The following CLPTM1L variants were observed in gnomAD, a reference collection of about 807,000 sequenced individuals.
The protein encoded by CLPTM1L is CLPTM1 like.
CLPTM1L carries 38 observed loss-of-function variants against 70.9 expected under a neutral mutation model. The observed-to-expected ratio is 0.54, with a 90% CI of 0.41 to 0.70. The LOEUF is 0.70. Ranked by LOEUF, CLPTM1L falls within the 30% of genes least tolerant of loss-of-function variation. The probability of loss-of-function intolerance (pLI) is 0.00; values close to 1 mark genes in which losing one functional copy is unlikely to be tolerated. For missense variants in CLPTM1L, 652 were observed against 705.9 expected, an observed-to-expected ratio of 0.92 and a Z score of 0.87; for synonymous variants, 339 against 299.9, an observed-to-expected ratio of 1.13 and a Z score of -1.35.
At chr5:1,339,985 C>G (rs1441176781) in intron 3 of CLPTM1L, among the ~76,000 whole-genome samples, 4 of 152,078 alleles carry the variant, frequency 2.6e-5, no homozygotes, top group South Asian at 2.1e-4. Context: ...AACCTGTGAA[C>G]AGATGGCCAC....
chr5:1,337,879 A>G (rs371410554), intron 5 of CLPTM1L, 25 bp downstream of exon 5: 45 of 1,561,210 alleles, frequency 2.9e-5, no homozygotes, highest in Non-Finnish European at 3.3e-5. Context: ...CAGCTGCACA[A>G]CCAGCGGGCA....
chr5:1,329,771 C>A lies in CLPTM1L; in HGVS notation c.1080+509G>T, dbSNP rs112360475. Among the ~76,000 whole-genome samples, 489 of 68,266 alleles carry A rather than the reference C, an allele frequency of 7.2e-3. 4 individuals carry two copies. Among genetic ancestry groups the A allele is most frequent in the African/African-American group, 0.013 (121 of 9,092 alleles). 44.8% of individuals were successfully genotyped at this position (68,266 alleles called of 152,430 possible). ...GCCTGGTGGACAGGGCCTCAGGACTCTCTGCCTGGTGGACAGAGCCTCAGG... is the reference window on the plus strand; with the variant it reads ...GCCTGGTGGACAGGGCCTCAGGACTATCTGCCTGGTGGACAGAGCCTCAGG... On this transcript the variant is annotated intron_variant, in intron 9 of 16. Coordinates refer to ENST00000320895, the MANE Select transcript of CLPTM1L (RefSeq NM_030782.5).
chr5:1,318,320 C>T lies in CLPTM1L; in HGVS notation c.*49G>A, dbSNP rs1751949343. On this transcript the variant is annotated 3_prime_UTR_variant, in exon 17 of 17. Transcript: ENST00000320895. The surrounding 1 kb of genome is among the most constrained non-coding windows in gnomAD (Gnocchi z 8.9). ...ATTCCTCCAAATGCTTCCAAAAATA[C>T]TCATTGACAATTCAAGTTGCACTTG... is the stretch of plus-strand genomic sequence containing the variant. 2 of 1,425,032 alleles carry T rather than the reference C, an allele frequency of 1.4e-6. No individual in the cohort carries two copies. The highest frequency in any genetic ancestry group is 1.2e-5 in the South Asian group (1 of 86,762). The allele number at this position is 1,425,032 out of a possible 1,614,324, so 88.3% of individuals were successfully genotyped here.
chr5:1,324,126 G>A (rs970761056), intron 11 of CLPTM1L: 1 of 523,652 alleles, frequency 1.9e-6, no homozygotes, highest in Non-Finnish European at 3.4e-6. Context: ...AATTCTGGTT[G>A]GTCAAAACCA....
In CLPTM1L at chr5:1,323,035, C is replaced by T. The variant is rs185060610; in HGVS notation, c.1281-124G>A. The T allele has an allele frequency of 2.0e-4, 189 of 963,728 alleles. 1 individual carries two copies. The African/African-American group carries it at 2.7e-3, about 14-fold the overall frequency. The allele number at this position is 963,728 out of a possible 1,614,324, so 59.7% of individuals were successfully genotyped here. ...ATACCCAGATGCTCTCACGGCAGCT[C>T]GGCAGCCAAGAGCAGCAGTGCTGAG... On this transcript the variant is annotated intron_variant, in intron 12 of 16. Transcript: ENST00000320895.
chr5:1,322,724 A>C (rs1438468932), intron 13 of CLPTM1L, 153 bp downstream of exon 13: 1 of 758,498 alleles, frequency 1.3e-6, no homozygotes, highest in East Asian at 2.4e-5. Flanking sequence ...GCCTGGGGGG[A>C]GCCCTGGGCA....
chr5:1,338,042 A>C, intron 4 of CLPTM1L, 60 bp from the exon 5 acceptor site: 1 of 1,363,290 alleles, frequency 7.3e-7, no homozygotes, highest in Non-Finnish European at 1.0e-6. Context: ...TCAATGAATG[A>C]ACACATCCAG....
At chr5:1,341,898 T>C (rs369751505) in intron 2 of CLPTM1L, 38 bp from the exon 3 acceptor site, 8 of 1,523,090 alleles carry the variant, frequency 5.3e-6, no homozygotes, top group Admixed American at 1.8e-5. Context: ...ATACATATTA[T>C]ATTCTGGGTC....
rs1305642917 is a variant in CLPTM1L at position 1,341,904 on chromosome 5, G to A, written c.264-44C>T. On this transcript the variant is annotated intron_variant, in intron 2 of 16. Coordinates refer to ENST00000320895, the MANE Select transcript of CLPTM1L (RefSeq NM_030782.5). ...TTCCACTACATACATATTATATTCT[G>A]GGTCTCTAGAACCTATTCAAATACC... 2.0e-6 allele frequency: 3 copies of A among 1,487,798 alleles called. No homozygotes were observed. In the East Asian group the frequency reaches 7.0e-5, roughly 35 times the overall value. 92.2% of individuals were successfully genotyped at this position (1,487,798 alleles called of 1,614,324 possible).
intron 7 of CLPTM1L, among the ~76,000 whole-genome samples, chr5:1,333,717 A>G: frequency 6.8e-6 from 1 of 146,390 alleles, no homozygotes; most frequent in South Asian, 2.1e-4. Context: ...AGGGGGGACT[A>G]CTGTATACAC....
chr5:1,336,342 T>C (rs1426062545), intron 5 of CLPTM1L, among the ~76,000 whole-genome samples: 1 of 152,164 alleles, frequency 6.6e-6, no homozygotes, highest in East Asian at 1.9e-4. Flanking sequence ...GAGACTGTGA[T>C]TTGGGGGAAA....
At chr5:1,333,942 G>A (rs903240996) in intron 7 of CLPTM1L, among the ~76,000 whole-genome samples, 7 of 152,126 alleles carry the variant, frequency 4.6e-5, no homozygotes, top group African/African-American at 1.7e-4. Context: ...CGGGGCCTGG[G>A]CAGGGGAGAG....
intron 6 of CLPTM1L, among the ~76,000 whole-genome samples, chr5:1,334,669 G>A (rs896382633): frequency 1.7e-4 from 26 of 152,030 alleles, no homozygotes; most frequent in Non-Finnish European, 2.9e-4. Context: ...AACGAGAATC[G>A]CTTGAATCCG....
rs541162992 is a variant in CLPTM1L at position 1,337,841 on chromosome 5, G to A, written c.678+63C>T. On this transcript the variant is annotated intron_variant, in intron 5 of 16. Transcript: ENST00000320895. ...CGGTCCATTAGGGTGCAGGGGCTGC[G>A]GGGCCAGTCTTGGGGTCAGTGTCTC... 126 of 1,320,622 alleles carry A rather than the reference G, an allele frequency of 9.5e-5. No homozygotes were observed. In the African/African-American group the frequency reaches 1.6e-3, roughly 17 times the overall value. The allele number at this position is 1,320,622 out of a possible 1,614,324, so 81.8% of individuals were successfully genotyped here.
intron 3 of CLPTM1L, among the ~76,000 whole-genome samples, chr5:1,341,148 T>C (rs921558362): frequency 1.1e-4 from 16 of 152,256 alleles, no homozygotes; most frequent in East Asian, 5.8e-4. Context: ...CCTGTATTCA[T>C]GATCACTTAA....
rs202185175 is a variant in CLPTM1L at position 1,338,849 on chromosome 5, G to A, written c.599+11C>T. On this transcript the variant is annotated intron_variant, in intron 4 of 16. Coordinates refer to ENST00000320895, the MANE Select transcript of CLPTM1L (RefSeq NM_030782.5). ...CTCCCCCCGGCGCTCCAGCTCTGGGGCCCCACTTACATCTTCATGTACCGA... is the reference window on the plus strand; with the variant it reads ...CTCCCCCCGGCGCTCCAGCTCTGGGACCCCACTTACATCTTCATGTACCGA... 3.7e-6 allele frequency: 6 copies of A among 1,612,838 alleles called. No individual in the cohort carries two copies. Among genetic ancestry groups the A allele is most frequent in the African/African-American group, 1.3e-5 (1 of 74,944 alleles).
intron 5 of CLPTM1L, among the ~76,000 whole-genome samples, chr5:1,337,378 G>A (rs1006926016): frequency 6.6e-6 from 1 of 152,224 alleles, no homozygotes; most frequent in East Asian, 1.9e-4. Flanking sequence ...ATCACAGGGC[G>A]CCAGAGCCCA....
At position 1,331,900 on chromosome 5, in the gene CLPTM1L, C is replaced by G; in HGVS notation, c.892-17G>C. On this transcript the variant is annotated splice_polypyrimidine_tract_variant and intron_variant, in intron 7 of 16. Coordinates refer to ENST00000320895, the MANE Select transcript of CLPTM1L (RefSeq NM_030782.5). The stretch of plus-strand genomic sequence containing the variant: ...AAAGAGAAGCTAGAGAGAACACACA[C>G]GACAGCAACTCACATCTCCTGCTGT... 1 of 1,602,496 alleles carries G rather than the reference C, an allele frequency of 6.2e-7. No homozygotes were observed. Among genetic ancestry groups the G allele is most frequent in the Non-Finnish European group, 8.5e-7 (1 of 1,170,324 alleles).
At chr5:1,331,483 G>A (rs751417669) in intron 8 of CLPTM1L, 39 of 443,046 alleles carry the variant, frequency 8.8e-5, no homozygotes, top group Non-Finnish European at 1.5e-4. Flanking sequence ...TGAGCAGCCG[G>A]GAAGGCTCGA....
Sources: gnomAD v4.1 joint callset for allele counts (sites outside exome capture counted in the v4.1 genomes callset) on GRCh38, gnomAD v4.1.1 for gene constraint, Gnocchi (gnomAD v3.1) non-coding constraint, MANE v1.5 for transcripts, NCBI Gene and HGNC (gene_info 2026-07-23, HGNC 2026-07-21) for gene names.